DENND4C: variants seen among roughly 807,000 people sequenced by gnomAD.
DENND4C encodes DENN domain-containing protein 4C.
Under a neutral mutation model 203.0 loss-of-function variants are expected in DENND4C, and 108 were observed. The ratio of observed to expected loss-of-function variants is 0.53; its 90% CI spans 0.46 to 0.62. The LOEUF (loss-of-function observed/expected upper bound fraction) is 0.62. DENND4C is among the 20% of genes least tolerant of loss of function. The pLI, the probability that DENND4C is intolerant of heterozygous loss-of-function variation, is 0.00. For synonymous variants in DENND4C, 871 were observed against 792.4 expected (o/e 1.10, Z -1.67); for missense variants, 2,481 against 2,301.2 (o/e 1.08, Z -1.60).
At chr9:19,356,466 A>G (rs1402561596) in intron 26 of DENND4C, among the ~76,000 whole-genome samples, 1 of 152,112 alleles carries the variant, frequency 6.6e-6, no homozygotes, top group Non-Finnish European at 1.5e-5. Context: ...CCACCCAAAG[A>G]GAGAAGGAGA....
intron 1 of DENND4C, among the ~76,000 whole-genome samples, chr9:19,268,136 G>A (rs533837887): frequency 1.5e-4 from 23 of 149,038 alleles, no homozygotes; most frequent in Non-Finnish European, 2.5e-4. Context: ...GTCTTATTCT[G>A]TCGCCCATGC....
intron 1 of DENND4C, among the ~76,000 whole-genome samples, chr9:19,252,252 C>G (rs995213421): frequency 6.6e-6 from 1 of 152,110 alleles, no homozygotes. Flanking sequence ...TTAAAACCAT[C>G]AGATCTCGTG....
chr9:19,324,765 G>T (rs925095805), intron 13 of DENND4C, among the ~76,000 whole-genome samples: 6 of 152,154 alleles, frequency 3.9e-5, no homozygotes, highest in Non-Finnish European at 8.8e-5. Context: ...TGTTACCCAG[G>T]CTAGGGTGCA....
intron 10 of DENND4C, among the ~76,000 whole-genome samples, chr9:19,309,816 A>T (rs1328797589): frequency 6.6e-6 from 1 of 152,000 alleles, no homozygotes; most frequent in Non-Finnish European, 1.5e-5. Flanking sequence ...TGTATACATC[A>T]TGGAATGTTT....
At chr9:19,238,025 C>T (rs1822459072) in intron 1 of DENND4C, among the ~76,000 whole-genome samples, 1 of 151,762 alleles carries the variant, frequency 6.6e-6, no homozygotes, top group Non-Finnish European at 1.5e-5. Flanking sequence ...GAGAGCTGTG[C>T]TCCCACTGTA....
At chr9:19,259,402 C>T (rs573117054) in intron 1 of DENND4C, among the ~76,000 whole-genome samples, 77 of 152,168 alleles carry the variant, frequency 5.1e-4, no homozygotes, top group South Asian at 2.7e-3. Context: ...AATATAATGA[C>T]CTCCAGTTCT....
chr9:19,280,592 C>T (rs4449879), intron 2 of DENND4C, among the ~76,000 whole-genome samples: 119,314 of 152,028 alleles, frequency 0.78, 47,417 homozygotes, highest in East Asian at 0.99. Context: ...ATATATATCC[C>T]TAAGGATGTA....
intron 18 of DENND4C, 44 bp downstream of exon 18, chr9:19,335,149 A>G (rs777917141): frequency 9.3e-6 from 13 of 1,395,096 alleles, no homozygotes; most frequent in Non-Finnish European, 1.0e-5. Context: ...TTTATTAAGA[A>G]TGATTATTTT....
chr9:19,267,604 A>G (rs2130774926), intron 1 of DENND4C, among the ~76,000 whole-genome samples: 1 of 151,548 alleles, frequency 6.6e-6, no homozygotes, highest in East Asian at 2.0e-4. Context: ...TGGTGTGATC[A>G]CGGATTACTG....
intron 1 of DENND4C, among the ~76,000 whole-genome samples, chr9:19,234,510 G>C (rs1821381606): frequency 6.8e-6 from 1 of 146,402 alleles, no homozygotes; most frequent in African/African-American, 2.5e-5. Context: ...GATTATAGGT[G>C]TGAGCCACAG....
chr9:19,249,128 A>C (rs1200203236), intron 1 of DENND4C, among the ~76,000 whole-genome samples: 1 of 151,570 alleles, frequency 6.6e-6, no homozygotes, highest in African/African-American at 2.4e-5. Flanking sequence ...AAGTTTACTA[A>C]TTATTTTCCA....
chr9:19,290,195 C>G (rs959866192), intron 4 of DENND4C, among the ~76,000 whole-genome samples: 9 of 152,310 alleles, frequency 5.9e-5, no homozygotes, highest in African/African-American at 1.9e-4. Context: ...GTCTCACATA[C>G]TCTGTACTTA....
intron 28 of DENND4C, among the ~76,000 whole-genome samples, chr9:19,359,238 A>C (rs915017193): frequency 5.3e-5 from 8 of 151,734 alleles, no homozygotes; most frequent in Non-Finnish European, 8.8e-5. Flanking sequence ...TTCAACATTT[A>C]TGTTTAATTA....
intron 30 of DENND4C, among the ~76,000 whole-genome samples, chr9:19,362,286 A>C (rs1026252066): frequency 2.6e-5 from 4 of 152,130 alleles, no homozygotes; most frequent in Non-Finnish European, 5.9e-5. Flanking sequence ...ACAAAACAAA[A>C]CAAAACAAAG....
chr9:19,305,600 T>G, intron 10 of DENND4C, 73 bp downstream of exon 10: 1 of 1,411,070 alleles, frequency 7.1e-7, no homozygotes, highest in Non-Finnish European at 9.6e-7. Context: ...TTTGAAAGCA[T>G]CTAGAAATAT....
At chr9:19,294,160 G>A (rs1424438026) in intron 5 of DENND4C, among the ~76,000 whole-genome samples, 1 of 152,082 alleles carries the variant, frequency 6.6e-6, no homozygotes, top group Admixed American at 6.6e-5. Flanking sequence ...ATAAAGATTT[G>A]TGTTTTGTTA....
At chr9:19,304,117 C>G (rs1489792277) in intron 9 of DENND4C, among the ~76,000 whole-genome samples, 1 of 122,860 alleles carries the variant, frequency 8.1e-6, no homozygotes, top group Admixed American at 8.8e-5. Context: ...GGTAAAGATT[C>G]TTGAGGAATG....
At chr9:19,289,566 C>T (rs528811072) in intron 4 of DENND4C, among the ~76,000 whole-genome samples, 7 of 152,250 alleles carry the variant, frequency 4.6e-5, no homozygotes, top group East Asian at 1.9e-4. Context: ...TGGTGGCTCA[C>T]GCCTGTAATT....
At position 19,288,680 on chromosome 9, in the gene DENND4C, A is replaced by C. The variant is rs1338489135; in HGVS notation, c.628+15A>C. 8.1e-7 allele frequency: 1 copy of C among 1,227,590 alleles called. No individual in the cohort carries two copies. The highest frequency in any genetic ancestry group is 3.2e-5 in the East Asian group (1 of 31,604). 76.0% of individuals were successfully genotyped at this position (1,227,590 alleles called of 1,614,324 possible). A position where few individuals can be genotyped will look rare whatever the true frequency, so the allele number is the denominator to read the frequency against. ...ATATAAGGCTGGTAAGTGAGTTAAAAAAAATTGTCTCAATTGCTATAGTTA... is the reference window on the plus strand; with the variant it reads ...ATATAAGGCTGGTAAGTGAGTTAAACAAAATTGTCTCAATTGCTATAGTTA... On this transcript the variant is annotated intron_variant, in intron 4 of 32. Transcript: ENST00000434457.
Sources: allele counts gnomAD v4.1 joint callset (sites outside exome capture counted in the v4.1 genomes callset), GRCh38; gene constraint gnomAD v4.1.1; transcripts MANE v1.5; gene names NCBI Gene and HGNC (gene_info 2026-07-23, HGNC 2026-07-21).